The following ASCC3 variants were observed in gnomAD, a reference collection of about 807,000 sequenced individuals.
ASCC3 encodes the protein ASC-1 complex subunit P200.
In ASCC3, 158 loss-of-function variants were observed where a neutral mutation model predicts 256.3. The ratio of observed to expected loss-of-function variants is 0.62; its 90% CI spans 0.54 to 0.70. The LOEUF is 0.70. Ranked by LOEUF, ASCC3 falls within the 30% of genes least tolerant of loss-of-function variation. ASCC3 has a pLI of 0.00. For synonymous variants in ASCC3, 948 were observed against 883.4 expected (o/e 1.07, Z -1.30); for missense variants, 2,259 against 2,626.0 (o/e 0.86, Z 3.05).
intron 34 of ASCC3, among the ~76,000 whole-genome samples, chr6:100,601,288 G>C (rs762148662): frequency 2.6e-5 from 4 of 152,086 alleles, no homozygotes; most frequent in Non-Finnish European, 5.9e-5. Context: ...AGGGAGTCAT[G>C]TACTCATTTT....
At chr6:100,687,938 G>A (rs773479635) in intron 13 of ASCC3, among the ~76,000 whole-genome samples, 26 of 150,970 alleles carry the variant, frequency 1.7e-4, no homozygotes, top group Non-Finnish European at 3.2e-4. Flanking sequence ...ACCTGAAAAG[G>A]TAAAACATAA....
intron 3 of ASCC3, among the ~76,000 whole-genome samples, chr6:100,851,637 G>C (rs911517188): frequency 6.6e-6 from 1 of 151,948 alleles, no homozygotes; most frequent in Non-Finnish European, 1.5e-5. Flanking sequence ...AACCTTGCTG[G>C]GTTGTGGTGT....
intron 34 of ASCC3, among the ~76,000 whole-genome samples, chr6:100,594,672 C>T (rs1772189340): frequency 6.6e-6 from 1 of 152,004 alleles, no homozygotes; most frequent in Non-Finnish European, 1.5e-5. Flanking sequence ...TCCAGCAATC[C>T]CAGTTCTGGG....
At chr6:100,865,909 A>G (rs1773454906) in intron 2 of ASCC3, among the ~76,000 whole-genome samples, 1 of 152,132 alleles carries the variant, frequency 6.6e-6, no homozygotes, top group Non-Finnish European at 1.5e-5. Context: ...GAAACCTGTT[A>G]TTATATTTTG....
chr6:100,702,156 G>A (rs1195503847), intron 13 of ASCC3, among the ~76,000 whole-genome samples: 1 of 152,154 alleles, frequency 6.6e-6, no homozygotes. Context: ...GAAGTGGCTA[G>A]AGTAGTCCAG....
chr6:100,550,648 G>A (rs527696660), intron 36 of ASCC3, among the ~76,000 whole-genome samples: 1 of 151,968 alleles, frequency 6.6e-6, no homozygotes, highest in Non-Finnish European at 1.5e-5. Context: ...GTTATTTGCA[G>A]GTAACTTTGA....
intron 36 of ASCC3, among the ~76,000 whole-genome samples, chr6:100,542,596 C>T (rs192860599): frequency 3.0e-4 from 45 of 152,020 alleles, no homozygotes; most frequent in Admixed American, 2.6e-3. Flanking sequence ...GCAGGAGAAT[C>T]GCTTGAACTC....
chr6:100,678,827 A>G (rs898866222), intron 14 of ASCC3, among the ~76,000 whole-genome samples: 4 of 152,202 alleles, frequency 2.6e-5, no homozygotes, highest in Admixed American at 1.3e-4. Context: ...AAAAAGTCAC[A>G]CAATAAAGAA....
intron 10 of ASCC3, among the ~76,000 whole-genome samples, chr6:100,729,855 A>G (rs1779818770): frequency 1.3e-5 from 2 of 152,284 alleles, no homozygotes; most frequent in Non-Finnish European, 1.5e-5. Flanking sequence ...GAAAACCGGG[A>G]GCAAACTGTG....
At chr6:100,835,636 A>AT (rs1310575053) in intron 4 of ASCC3, among the ~76,000 whole-genome samples, 1 of 152,042 alleles carries the variant, frequency 6.6e-6, no homozygotes, top group East Asian at 1.9e-4. Flanking sequence ...CTCTGTGTCT[A>AT]TTTTTATGCC....
intron 34 of ASCC3, among the ~76,000 whole-genome samples, chr6:100,593,660 C>CTGCT (rs1772121694): frequency 6.6e-6 from 1 of 152,080 alleles, no homozygotes; most frequent in African/African-American, 2.4e-5. Flanking sequence ...TATTGAAATG[C>CTGCT]TGCTGCTATA....
At position 100,608,118 on chromosome 6, in the gene ASCC3, C is replaced by CTATA. The variant is rs201020275; in HGVS notation, c.4786-1034_4786-1031dup. ...TATACACATATATATGTATATATATCTATATATACATATATATGTATATAT... is the reference window on the plus strand; with the variant it reads ...TATACACATATATATGTATATATATCTATATATATATACATATATATGTATATAT... On this transcript the variant is annotated intron_variant, in intron 30 of 41. Coordinates refer to ENST00000369162, the MANE Select transcript of ASCC3 (RefSeq NM_006828.4). 3.5e-3 allele frequency among the ~76,000 whole-genome samples: 82 copies of CTATA among 23,346 alleles called. 1 individual carries two copies. Among genetic ancestry groups the CTATA allele is most frequent in the African/African-American group, 9.9e-3 (82 of 8,310 alleles). The allele number at this position is 23,346 out of a possible 152,430, so 15.3% of individuals were successfully genotyped here. A position where few individuals can be genotyped will look rare whatever the true frequency, so the allele number is the denominator to read the frequency against.
rs560275681 is a variant in ASCC3, at chr6:100,560,970, T to C, written c.5551-20583A>G. ...GGGGCTGATTCACCAGACATTAAAC[T>C]TCTAGGGTGTGATATGAGGATACAT... On this transcript the variant is annotated intron_variant, in intron 36 of 41. Transcript: ENST00000369162. 6.6e-5 allele frequency among the ~76,000 whole-genome samples: 10 copies of C among 152,160 alleles called. No individual in the cohort carries two copies. In the East Asian group the frequency reaches 1.9e-3, roughly 29 times the overall value.
chr6:100,563,458 C>T (rs1444434532), intron 36 of ASCC3, among the ~76,000 whole-genome samples: 2 of 152,132 alleles, frequency 1.3e-5, no homozygotes, highest in African/African-American at 4.8e-5. Flanking sequence ...CATCCCTTAA[C>T]CAATGATTTA....
chr6:100,626,401 A>AT (rs1478866448), intron 29 of ASCC3, among the ~76,000 whole-genome samples: 10 of 152,086 alleles, frequency 6.6e-5, no homozygotes, highest in African/African-American at 2.4e-4. Context: ...CATCCTAACT[A>AT]TGAGAAATAA....
At chr6:100,672,596 T>G (rs1398234330) in intron 14 of ASCC3, among the ~76,000 whole-genome samples, 1 of 152,128 alleles carries the variant, frequency 6.6e-6, no homozygotes, top group Non-Finnish European at 1.5e-5. Flanking sequence ...TTTTCTAGTG[T>G]GTTCACAAAT....
intron 13 of ASCC3, among the ~76,000 whole-genome samples, chr6:100,683,594 A>T (rs1777411224): frequency 6.6e-6 from 1 of 152,118 alleles, no homozygotes; most frequent in Non-Finnish European, 1.5e-5. Flanking sequence ...GAAAATCACA[A>T]GTAATAGGAC....
chr6:100,512,556 G>A (rs544468184), intron 40 of ASCC3, among the ~76,000 whole-genome samples, 153 bp downstream of exon 40: 2 of 152,132 alleles, frequency 1.3e-5, no homozygotes, highest in African/African-American at 2.4e-5. Context: ...GAGAACTCAC[G>A]AATTTCAAAA....
intron 21 of ASCC3, 90 bp downstream of exon 21, chr6:100,647,136 T>C: frequency 1.7e-6 from 2 of 1,169,760 alleles, no homozygotes; most frequent in Non-Finnish European, 2.5e-6. Flanking sequence ...TTTTGATTAA[T>C]GTGGAAATTC....
Sources: allele counts gnomAD v4.1 joint callset (sites outside exome capture counted in the v4.1 genomes callset), GRCh38; gene constraint gnomAD v4.1.1; transcripts MANE v1.5; gene names NCBI Gene and HGNC (gene_info 2026-07-23, HGNC 2026-07-21).